RGL1: variants seen among roughly 807,000 people sequenced by gnomAD.
The protein encoded by RGL1 is ral guanine nucleotide dissociation stimulator-like 1.
A neutral mutation model predicts 95.2 loss-of-function variants in RGL1; 24 were observed. That is an observed-to-expected ratio of 0.25 (90% CI 0.18 to 0.35). The LOEUF is 0.35. Among genes scored for constraint, RGL1 ranks in the 10% least tolerant of loss-of-function variants. The pLI is 1.00. For synonymous variants in RGL1, 329 were observed against 344.9 expected, an observed-to-expected ratio of 0.95 and a Z score of 0.51; for missense variants, 715 against 936.3, an observed-to-expected ratio of 0.76 and a Z score of 3.08.
At chr1:183,854,529 A>G (rs1665019805) in intron 3 of RGL1, among the ~76,000 whole-genome samples, 1 of 152,204 alleles carries the variant, frequency 6.6e-6, no homozygotes, top group Non-Finnish European at 1.5e-5. Flanking sequence ...GTTCCTCCAC[A>G]GTGTAGAGAG....
intron 1 of RGL1, among the ~76,000 whole-genome samples, chr1:183,672,069 A>T (rs530614783): frequency 1.3e-5 from 2 of 151,752 alleles, no homozygotes; most frequent in South Asian, 4.2e-4. Context: ...AGTAGCTGGG[A>T]TTACAGGCAC....
chr1:183,912,302 C>T, intron 15 of RGL1, 34 bp downstream of exon 15: 1 of 1,551,238 alleles, frequency 6.4e-7, no homozygotes, highest in Non-Finnish European at 8.9e-7. Flanking sequence ...ATTCCTAATG[C>T]AGGCACCTAC....
intron 1 of RGL1, among the ~76,000 whole-genome samples, chr1:183,637,525 C>A (rs374159464): frequency 1.3e-5 from 2 of 152,132 alleles, no homozygotes; most frequent in African/African-American, 4.8e-5. Flanking sequence ...TATGTCCAGT[C>A]TTCTTTAAGT....
chr1:183,847,513 T>A, intron 2 of RGL1, 53 bp from the exon 3 acceptor site: 2 of 1,457,826 alleles, frequency 1.4e-6, no homozygotes, highest in South Asian at 2.4e-5. Context: ...ATGCTTCCAA[T>A]TTTACTTTAG....
chr1:183,708,560 T>C (rs2102165671), intron 1 of RGL1, among the ~76,000 whole-genome samples: 1 of 152,306 alleles, frequency 6.6e-6, no homozygotes, highest in East Asian at 1.9e-4. Flanking sequence ...ATACAATTCA[T>C]CACCAAGCTC....
chr1:183,875,045 C>T (rs527469770), intron 4 of RGL1, among the ~76,000 whole-genome samples: 1 of 152,144 alleles, frequency 6.6e-6, no homozygotes, highest in Non-Finnish European at 1.5e-5. Flanking sequence ...ATCTTCTTAC[C>T]TTTTCATTAT....
chr1:183,694,248 G>A (rs1654127805), intron 1 of RGL1, among the ~76,000 whole-genome samples: 2 of 152,212 alleles, frequency 1.3e-5, no homozygotes, highest in Admixed American at 6.5e-5. Context: ...CCCCAGGAGA[G>A]TGCGGTGTGT....
At chr1:183,656,075 A>G (rs1174662) in intron 1 of RGL1, among the ~76,000 whole-genome samples, 45,290 of 148,400 alleles carry the variant, frequency 0.31, 7,171 homozygotes, top group Middle Eastern at 0.38. Context: ...GGAAACAGAT[A>G]GATCCCAAAG....
intron 2 of RGL1, among the ~76,000 whole-genome samples, chr1:183,819,665 C>T (rs1662321129): frequency 2.0e-5 from 3 of 152,090 alleles, no homozygotes. Context: ...TTCCTGCATG[C>T]TTCCTTGCCT....
At chr1:183,905,912 C>G in intron 13 of RGL1, among the ~76,000 whole-genome samples, 1 of 152,174 alleles carries the variant, frequency 6.6e-6, no homozygotes. Context: ...ACAGCCCGTT[C>G]ATTTACATCT....
chr1:183,846,093 C>T (rs1008551734), intron 2 of RGL1, among the ~76,000 whole-genome samples: 4 of 152,156 alleles, frequency 2.6e-5, no homozygotes, highest in South Asian at 2.1e-4. Context: ...CACATGCACA[C>T]GTGTGTTTAT....
At chr1:183,863,358 CGTCT>C (rs1665632881) in intron 3 of RGL1, among the ~76,000 whole-genome samples, 1 of 151,710 alleles carries the variant, frequency 6.6e-6, no homozygotes, top group Non-Finnish European at 1.5e-5. Context: ...TGAGAGACAG[CGTCT>C]TGCTATGTGT....
chr1:183,739,382 G>C (rs1048642621), intron 1 of RGL1, among the ~76,000 whole-genome samples: 2 of 152,184 alleles, frequency 1.3e-5, no homozygotes, highest in African/African-American at 2.4e-5. Flanking sequence ...GGAGCTGAAG[G>C]CTTTCTGAAC....
chr1:183,789,363 T>C (rs573577845), intron 2 of RGL1, among the ~76,000 whole-genome samples: 5 of 152,152 alleles, frequency 3.3e-5, no homozygotes, highest in African/African-American at 1.2e-4. Context: ...GGCAGGAGAA[T>C]TGCTCGAACC....
intron 7 of RGL1, among the ~76,000 whole-genome samples, chr1:183,888,163 TCTAG>T (rs1667224844): frequency 6.6e-6 from 1 of 152,192 alleles, no homozygotes. Flanking sequence ...AGTTGCTCTT[TCTAG>T]CATAGCTCTG....
At chr1:183,752,329 C>T (rs532156163) in intron 2 of RGL1, among the ~76,000 whole-genome samples, 2 of 152,080 alleles carry the variant, frequency 1.3e-5, no homozygotes, top group Admixed American at 6.5e-5. Flanking sequence ...TGGTTTCAAG[C>T]GATTCTCCTG....
intron 2 of RGL1, among the ~76,000 whole-genome samples, chr1:183,799,006 C>T (rs1660842814): frequency 6.6e-6 from 1 of 151,460 alleles, no homozygotes; most frequent in Non-Finnish European, 1.5e-5. Flanking sequence ...CCGGGTTTGC[C>T]ATTCTCCTGC....
chr1:183,776,141 A>AT (rs66738956), intron 2 of RGL1, among the ~76,000 whole-genome samples: 3,011 of 88,676 alleles, frequency 0.034, 76 homozygotes, highest in African/African-American at 0.043. Flanking sequence ...GGGAATACAG[A>AT]TTTTTTTTTT....
At chr1:183,712,616 C>T (rs1280979316) in intron 1 of RGL1, among the ~76,000 whole-genome samples, 7 of 152,282 alleles carry the variant, frequency 4.6e-5, no homozygotes, top group African/African-American at 1.4e-4. Context: ...TGGCATGAAG[C>T]ATGTTTTGCT....
Sources: gnomAD v4.1 joint callset for allele counts (sites outside exome capture counted in the v4.1 genomes callset) on GRCh38, gnomAD v4.1.1 for gene constraint, MANE v1.5 for transcripts, NCBI Gene and HGNC (gene_info 2026-07-23, HGNC 2026-07-21) for gene names.